UBE2H: variants seen among roughly 807,000 people sequenced by gnomAD.
UBE2H encodes the protein ubiquitin-conjugating enzyme E2 H.
UBE2H carries 3 observed loss-of-function variants against 29.0 expected under a neutral mutation model. The ratio of observed to expected loss-of-function variants is 0.10; its 90% confidence interval spans 0.05 to 0.27. The LOEUF is 0.27. Among genes scored for constraint, UBE2H ranks in the 10% least tolerant of loss-of-function variants. The pLI, the probability that UBE2H is intolerant of heterozygous loss-of-function variation, is 1.00. For synonymous variants in UBE2H, 69 were observed against 82.9 expected (o/e 0.83, Z 0.91); for missense variants, 68 against 228.2 (o/e 0.30, Z 4.52).
At chr7:129,853,898 G>A (rs1293344843) in intron 5 of UBE2H, among the ~76,000 whole-genome samples, 1 of 152,124 alleles carries the variant, frequency 6.6e-6, no homozygotes, top group African/African-American at 2.4e-5. Flanking sequence ...CTGGGGCAAG[G>A]TAAATGGCAG....
chr7:129,835,092 C>G, intron 6 of UBE2H, 31 bp from the exon 7 acceptor site: 1 of 1,613,514 alleles, frequency 6.2e-7, no homozygotes, highest in Non-Finnish European at 8.5e-7. Flanking sequence ...ACAACAAGGG[C>G]AGTGAGTGGG....
chr7:129,840,551 C>T (rs953090697), intron 5 of UBE2H, among the ~76,000 whole-genome samples: 4 of 152,242 alleles, frequency 2.6e-5, no homozygotes, highest in African/African-American at 9.6e-5. Flanking sequence ...CCTGCAGTTA[C>T]CCAGCGTTTT....
chr7:129,923,093 G>A, intron 1 of UBE2H, among the ~76,000 whole-genome samples: 1 of 151,794 alleles, frequency 6.6e-6, no homozygotes, highest in Middle Eastern at 3.4e-3. Flanking sequence ...GTAGAGACAG[G>A]GTTCCACCGT....
chr7:129,879,494 C>A, intron 3 of UBE2H, 74 bp downstream of exon 3: 1 of 1,372,774 alleles, frequency 7.3e-7, no homozygotes, highest in South Asian at 1.3e-5. Flanking sequence ...CATTAATTAC[C>A]TCCCCTGAAA....
At chr7:129,867,601 A>G (rs894513528) in intron 3 of UBE2H, among the ~76,000 whole-genome samples, 2 of 107,036 alleles carry the variant, frequency 1.9e-5, no homozygotes, top group Admixed American at 2.1e-4. Context: ...CTAATGCTAG[A>G]TGACACATTA....
intron 6 of UBE2H, among the ~76,000 whole-genome samples, chr7:129,837,526 A>T (rs1273027023): frequency 1.3e-5 from 2 of 150,068 alleles, no homozygotes; most frequent in African/African-American, 2.5e-5. Context: ...AAACAGCATG[A>T]CTCCTAAGAG....
chr7:129,883,163 G>A (rs1303832314), intron 1 of UBE2H, among the ~76,000 whole-genome samples: 1 of 152,202 alleles, frequency 6.6e-6, no homozygotes, highest in Non-Finnish European at 1.5e-5. Context: ...AGTGTTCAGT[G>A]GAGTACGAAT....
intron 1 of UBE2H, among the ~76,000 whole-genome samples, chr7:129,881,839 G>GTAA (rs1213306556): frequency 6.6e-6 from 1 of 151,962 alleles, no homozygotes; most frequent in Non-Finnish European, 1.5e-5. Flanking sequence ...CTAAAACGAG[G>GTAA]GATTTACTAA....
At chr7:129,940,404 G>A (rs1280651799) in intron 1 of UBE2H, among the ~76,000 whole-genome samples, 1 of 152,114 alleles carries the variant, frequency 6.6e-6, no homozygotes, top group Non-Finnish European at 1.5e-5. Context: ...AAGTGCTACA[G>A]AACAGGTGCC....
intron 1 of UBE2H, among the ~76,000 whole-genome samples, chr7:129,892,244 C>T (rs972436358): frequency 1.2e-4 from 17 of 145,956 alleles, no homozygotes; most frequent in Non-Finnish European, 2.3e-4. Context: ...CCACCGCACC[C>T]GGCCTCAACC....
chr7:129,910,860 T>A (rs1341945051), intron 1 of UBE2H, among the ~76,000 whole-genome samples: 1 of 151,918 alleles, frequency 6.6e-6, no homozygotes, highest in East Asian at 1.9e-4. Context: ...CCAGCCTGGG[T>A]GACAGAGTAA....
intron 1 of UBE2H, among the ~76,000 whole-genome samples, chr7:129,921,600 GAGGC>G (rs1198916050): frequency 6.6e-6 from 1 of 150,492 alleles, no homozygotes; most frequent in African/African-American, 2.4e-5. Context: ...TTGGGAGGCT[GAGGC>G]AGGAGAATCA....
intron 1 of UBE2H, among the ~76,000 whole-genome samples, chr7:129,918,908 C>A (rs533513937): frequency 1.3e-5 from 2 of 151,886 alleles, no homozygotes; most frequent in East Asian, 3.9e-4. Context: ...CATGGTGAAA[C>A]CCCATCTCTA....
At chr7:129,864,162 GT>G (rs1488545435) in intron 3 of UBE2H, among the ~76,000 whole-genome samples, 1 of 152,180 alleles carries the variant, frequency 6.6e-6, no homozygotes, top group Non-Finnish European at 1.5e-5. Flanking sequence ...CTTGACATTT[GT>G]TCTTAGACAA....
intron 1 of UBE2H, among the ~76,000 whole-genome samples, chr7:129,949,355 C>G (rs1807829151): frequency 6.6e-6 from 1 of 152,200 alleles, no homozygotes; most frequent in Non-Finnish European, 1.5e-5. Context: ...CACCAATCTA[C>G]CTGACTTTGC....
At chr7:129,903,534 G>A (rs921293581) in intron 1 of UBE2H, among the ~76,000 whole-genome samples, 3 of 152,140 alleles carry the variant, frequency 2.0e-5, no homozygotes, top group African/African-American at 7.2e-5. Flanking sequence ...AGACCCAGGT[G>A]GGAGAACCAC....
chr7:129,922,434 C>T (rs963143903), intron 1 of UBE2H, among the ~76,000 whole-genome samples: 7 of 150,880 alleles, frequency 4.6e-5, no homozygotes, highest in African/African-American at 1.7e-4. Flanking sequence ...TACAGGCAGA[C>T]GCCATCACGC....
chr7:129,949,247 C>A (rs780663822), intron 1 of UBE2H: 4 of 307,300 alleles, frequency 1.3e-5, no homozygotes, highest in Non-Finnish European at 1.3e-5. Context: ...GCAAATCACG[C>A]TTTAAGGTCA....
Position 129,835,149 on chromosome 7 carries a change from G to A in UBE2H, c.428-88C>T, listed in dbSNP as rs80336664. On this transcript the variant is annotated intron_variant, in intron 6 of 6. Coordinates refer to ENST00000355621, the MANE Select transcript of UBE2H (RefSeq NM_003344.4). ...CCAAAAAGCTGGCAAGGCTGCGGAG[G>A]TTCAAACTTACCTTGAACACCAGGG... 13,525 of 1,580,610 alleles carry A rather than the reference G, an allele frequency of 8.6e-3. 80 individuals are homozygous for A. Among genetic ancestry groups the A allele is most frequent in the Middle Eastern group, 0.015 (90 of 5,916 alleles).
Sources: allele counts gnomAD v4.1 joint callset (sites outside exome capture counted in the v4.1 genomes callset), GRCh38; gene constraint gnomAD v4.1.1; transcripts MANE v1.5; gene names NCBI Gene and HGNC (gene_info 2026-07-23, HGNC 2026-07-21).